FRMD4B: variants seen among roughly 807,000 people sequenced by gnomAD.
FRMD4B encodes FERM domain-containing protein 4B.
Under a neutral mutation model 141.5 loss-of-function variants are expected in FRMD4B, and 74 were observed. The ratio of observed to expected loss-of-function variants is 0.52; its 90% confidence interval spans 0.43 to 0.63. The LOEUF is 0.63. Ranked by LOEUF, FRMD4B falls within the 30% of genes least tolerant of loss-of-function variation. The pLI is 0.00. For synonymous variants in FRMD4B, 506 were observed against 467.9 expected (o/e 1.08, Z -1.05); for missense variants, 1,366 against 1,253.4 (o/e 1.09, Z -1.36).
chr3:69,525,443 A>C (rs781656178), intron 1 of FRMD4B, among the ~76,000 whole-genome samples: 8 of 152,178 alleles, frequency 5.3e-5, no homozygotes, highest in Non-Finnish European at 1.0e-4. Context: ...GCACTGCAGG[A>C]AACAGGCCAA....
intron 1 of FRMD4B, among the ~76,000 whole-genome samples, chr3:69,370,758 C>T (rs1255014190): frequency 2.6e-5 from 4 of 152,172 alleles, no homozygotes; most frequent in Non-Finnish European, 5.9e-5. Context: ...TCATGTGCTG[C>T]CTCTACCCTT....
At chr3:69,435,287 C>A (rs1352842659) in intron 1 of FRMD4B, among the ~76,000 whole-genome samples, 1 of 151,690 alleles carries the variant, frequency 6.6e-6, no homozygotes, top group Non-Finnish European at 1.5e-5. Context: ...CAGTGTCATT[C>A]ATGAAGAGCT....
At chr3:69,358,060 G>C (rs1430714647) in intron 1 of FRMD4B, among the ~76,000 whole-genome samples, 1 of 152,182 alleles carries the variant, frequency 6.6e-6, no homozygotes, top group Non-Finnish European at 1.5e-5. Flanking sequence ...CACTTTATTT[G>C]TCACCTCATA....
chr3:69,475,759 C>A (rs781739685), intron 1 of FRMD4B, among the ~76,000 whole-genome samples: 6 of 143,454 alleles, frequency 4.2e-5, no homozygotes, highest in Non-Finnish European at 7.5e-5. Flanking sequence ...ATTTCTAGTT[C>A]TAGATCCCTG....
At chr3:69,210,217 C>T (rs1018450098) in intron 11 of FRMD4B, among the ~76,000 whole-genome samples, 2 of 152,212 alleles carry the variant, frequency 1.3e-5, no homozygotes, top group African/African-American at 4.8e-5. Context: ...CTATGGACAC[C>T]TCGACAGTAT....
chr3:69,491,610 G>A (rs964099612), intron 1 of FRMD4B, among the ~76,000 whole-genome samples: 3 of 152,080 alleles, frequency 2.0e-5, no homozygotes, highest in Non-Finnish European at 4.4e-5. Flanking sequence ...AAAGAGACAG[G>A]GTTAAAGTTA....
chr3:69,469,069 A>G (rs1705842414), intron 1 of FRMD4B, among the ~76,000 whole-genome samples: 2 of 152,178 alleles, frequency 1.3e-5, no homozygotes, highest in Admixed American at 1.3e-4. Flanking sequence ...AGGTGTTCCT[A>G]CCAAATCCCT....
intron 1 of FRMD4B, among the ~76,000 whole-genome samples, chr3:69,332,604 T>C (rs1284320644): frequency 6.6e-6 from 1 of 152,076 alleles, no homozygotes; most frequent in East Asian, 1.9e-4. Flanking sequence ...TGAGACAGGG[T>C]CTCACTCCAT....
At chr3:69,428,308 T>C (rs758367767) in intron 2 of FRMD4B, among the ~76,000 whole-genome samples, 16 of 150,644 alleles carry the variant, frequency 1.1e-4, no homozygotes, top group Non-Finnish European at 1.8e-4. Context: ...ATCTCATCTG[T>C]GAAATGGAAA....
chr3:69,336,572 T>C (rs1335814786), intron 1 of FRMD4B: 1 of 152,276 alleles, frequency 6.6e-6, no homozygotes, highest in Non-Finnish European at 1.5e-5. Context: ...AAAAGGCTTT[T>C]GCACTGGTAC....
At chr3:69,419,697 A>G (rs941387381) in intron 2 of FRMD4B, among the ~76,000 whole-genome samples, 3 of 152,202 alleles carry the variant, frequency 2.0e-5, no homozygotes, top group Non-Finnish European at 2.9e-5. Flanking sequence ...GTAGAAGTGC[A>G]TGGATGGCAA....
At chr3:69,192,254 T>C (rs2092846126) in intron 17 of FRMD4B, among the ~76,000 whole-genome samples, 1 of 151,916 alleles carries the variant, frequency 6.6e-6, no homozygotes, top group African/African-American at 2.4e-5. Context: ...TGCGTGCCTA[T>C]AGTCCCAGCT....
At chr3:69,371,430 G>T (rs922523503) in intron 1 of FRMD4B, among the ~76,000 whole-genome samples, 4 of 152,192 alleles carry the variant, frequency 2.6e-5, no homozygotes, top group African/African-American at 9.6e-5. Context: ...AGATAGTAAG[G>T]CCAGGTTGTT....
intron 2 of FRMD4B, among the ~76,000 whole-genome samples, chr3:69,402,606 G>A (rs1213242968): frequency 1.3e-5 from 2 of 152,102 alleles, no homozygotes; most frequent in African/African-American, 4.8e-5. Flanking sequence ...TCAGATATAG[G>A]AGGTGCGTAA....
chr3:69,411,650 C>A (rs72939660), intron 2 of FRMD4B, among the ~76,000 whole-genome samples: 2,343 of 152,288 alleles, frequency 0.015, 66 homozygotes, highest in African/African-American at 0.053. Context: ...ACCCTGATCT[C>A]CTGTCTAGGG....
At chr3:69,333,584 C>T (rs959340957) in intron 1 of FRMD4B, among the ~76,000 whole-genome samples, 2 of 152,202 alleles carry the variant, frequency 1.3e-5, no homozygotes, top group Non-Finnish European at 2.9e-5. Context: ...TCTTCTGCAA[C>T]ACAGGAGTAA....
chr3:69,445,791 T>C (rs1330222110), intron 1 of FRMD4B, among the ~76,000 whole-genome samples: 1 of 152,210 alleles, frequency 6.6e-6, no homozygotes, highest in Non-Finnish European at 1.5e-5. Context: ...CAGATCACTA[T>C]ATCCTAAATA....
At chr3:69,266,908 C>A (rs1292402352) in intron 5 of FRMD4B, among the ~76,000 whole-genome samples, 5 of 152,186 alleles carry the variant, frequency 3.3e-5, no homozygotes, top group Non-Finnish European at 5.9e-5. Context: ...ACCACCTCAA[C>A]TCAAACAAGA....
intron 1 of FRMD4B, among the ~76,000 whole-genome samples, chr3:69,527,299 T>C (rs1700943634): frequency 6.6e-6 from 1 of 152,188 alleles, no homozygotes; most frequent in South Asian, 2.1e-4. Context: ...GAGGAGTCCT[T>C]TCCTGGTTCC....
Sources: allele counts gnomAD v4.1 joint callset (sites outside exome capture counted in the v4.1 genomes callset), GRCh38; gene constraint gnomAD v4.1.1; transcripts MANE v1.5; gene names NCBI Gene and HGNC (gene_info 2026-07-23, HGNC 2026-07-21).